The following GFPT1 variants were observed in gnomAD, a reference collection of about 807,000 sequenced individuals.
GFPT1 encodes glutamine--fructose-6-phosphate aminotransferase [isomerizing] 1.
Under a neutral mutation model 92.0 loss-of-function variants are expected in GFPT1, and 40 were observed. The observed-to-expected ratio is 0.43, with a 90% CI of 0.34 to 0.57. The LOEUF (loss-of-function observed/expected upper bound fraction) is 0.57, where lower values mean the gene tolerates loss of function less well. GFPT1 is among the 20% of genes least tolerant of loss of function. GFPT1 has a pLI of 0.02. For synonymous variants in GFPT1, 269 were observed against 280.6 expected, an observed-to-expected ratio of 0.96 and a Z score of 0.41; for missense variants, 448 against 869.1, an observed-to-expected ratio of 0.52 and a Z score of 6.09.
chr2:69,360,719 C>CA (rs1671452888), intron 4 of GFPT1, among the ~76,000 whole-genome samples: 1 of 152,066 alleles, frequency 6.6e-6, no homozygotes, highest in Admixed American at 6.6e-5. Flanking sequence ...ACATGAGCCA[C>CA]TATGCCAGGC....
At chr2:69,361,580 C>A (rs1303159300) in intron 4 of GFPT1, among the ~76,000 whole-genome samples, 1 of 152,028 alleles carries the variant, frequency 6.6e-6, no homozygotes, top group African/African-American at 2.4e-5. Flanking sequence ...TTCATAAAGG[C>A]CTTGTCAGTG....
intron 15 of GFPT1, among the ~76,000 whole-genome samples, chr2:69,336,398 A>G (rs1486876458): frequency 6.6e-6 from 1 of 151,810 alleles, no homozygotes; most frequent in African/African-American, 2.4e-5. Flanking sequence ...TAAGAATCAC[A>G]AACTTTCTAC....
intron 11 of GFPT1, among the ~76,000 whole-genome samples, chr2:69,347,758 C>T (rs1671118830): frequency 6.6e-6 from 1 of 152,148 alleles, no homozygotes; most frequent in Non-Finnish European, 1.5e-5. Context: ...GCTAAGATTA[C>T]AGGTGTGAGC....
intron 16 of GFPT1, 59 bp from the exon 17 acceptor site, chr2:69,329,483 T>C (rs978728752): frequency 3.0e-6 from 4 of 1,327,026 alleles, no homozygotes; most frequent in Middle Eastern, 1.8e-4. Flanking sequence ...TAACAATATA[T>C]TGGCAGCAAA....
At chr2:69,365,677 C>T (rs1671593431) in intron 3 of GFPT1, among the ~76,000 whole-genome samples, 2 of 152,184 alleles carry the variant, frequency 1.3e-5, no homozygotes, top group East Asian at 3.8e-4. Context: ...AATGAATAAA[C>T]TCAGGCATCT....
intron 3 of GFPT1, among the ~76,000 whole-genome samples, chr2:69,368,162 C>T (rs781581813): frequency 3.9e-5 from 6 of 152,196 alleles, no homozygotes; most frequent in Non-Finnish European, 8.8e-5. Context: ...GCGGGCAGAT[C>T]ACGAGGTCAG....
At chr2:69,352,389 C>T (rs1349910415) in intron 9 of GFPT1, among the ~76,000 whole-genome samples, 3 of 151,306 alleles carry the variant, frequency 2.0e-5, no homozygotes, top group Non-Finnish European at 4.4e-5. Flanking sequence ...CCGAGGTGGG[C>T]GGATCATGAG....
intron 1 of GFPT1, among the ~76,000 whole-genome samples, chr2:69,378,651 T>A (rs1009325807): frequency 1.3e-5 from 2 of 152,270 alleles, no homozygotes; most frequent in Non-Finnish European, 2.9e-5. Context: ...GAAAGCAATG[T>A]AGCTGCAAAT....
intron 15 of GFPT1, among the ~76,000 whole-genome samples, chr2:69,330,140 G>T (rs1670626205): frequency 1.3e-5 from 2 of 152,130 alleles, no homozygotes; most frequent in African/African-American, 4.8e-5. Context: ...GGGAGGCAGA[G>T]GTTGCAGTGA....
chr2:69,328,394 A>T lies in GFPT1; in HGVS notation c.1770T>A (p.Ala590=). 6.2e-7 allele frequency: 1 copy of T among 1,613,596 alleles called. No individual in the cohort carries two copies. The highest frequency in any genetic ancestry group is 8.5e-7 in the Non-Finnish European group (1 of 1,179,510). ...CCAGAGGGCCATGTTTCAATTCACC[A>T]GCAAGGATGCCTTCAGAGTGCATAT... is the stretch of plus-strand genomic sequence containing the variant. ...ITYMHSEGIL[A]GELKHGPLAL... Residue 590 remains alanine (A), a synonymous_variant, in exon 18 of 20, where the codon GCT becomes GCA. Coordinates refer to ENST00000357308, the MANE Select transcript of GFPT1 (RefSeq NM_001244710.2).
At position 69,357,685 on chromosome 2, in the gene GFPT1, T is replaced by C. The variant is rs554287141; in HGVS notation, c.543+644A>G. 5.5e-4 allele frequency among the ~76,000 whole-genome samples: 84 copies of C among 152,262 alleles called. No homozygotes were observed. In the South Asian group the frequency reaches 0.017, roughly 30 times the overall value. ...CTTTTAAGTGGGAAAGCTAGAGTTA[T>C]GAGTGGGGAAGGGAAATGTAGGTAT... On this transcript the variant is annotated intron_variant, in intron 6 of 19. Coordinates refer to ENST00000357308, the MANE Select transcript of GFPT1 (RefSeq NM_001244710.2).
intron 2 of GFPT1, among the ~76,000 whole-genome samples, chr2:69,372,816 G>A (rs1475304901): frequency 6.6e-6 from 1 of 152,202 alleles, no homozygotes; most frequent in Non-Finnish European, 1.5e-5. Context: ...GTACAAAAAA[G>A]AGTTAACACA....
At chr2:69,376,979 C>T (rs1238632706) in intron 1 of GFPT1, among the ~76,000 whole-genome samples, 2 of 151,866 alleles carry the variant, frequency 1.3e-5, no homozygotes, top group South Asian at 2.1e-4. Context: ...GAGGCCAAGG[C>T]GAGTGGATCA....
rs1671342109 is a variant in GFPT1, at chr2:69,356,501, G to A, written c.600C>T (p.Gly200=). 6.2e-7 allele frequency: 1 copy of A among 1,609,242 alleles called. No homozygotes were observed. Among genetic ancestry groups the A allele is most frequent in the African/African-American group, 1.3e-5 (1 of 74,950 alleles). ...KSVHFPGQAV[G]TRRGSPLLIG... is the part of the protein sequence containing the mutation. Reference sequence around the variant, plus strand: ...ATTGTTAGAGTTATATGTACCTTGTGCCAACTGCTTGCCCGGGAAAATGAA... The same window carrying A: ...ATTGTTAGAGTTATATGTACCTTGTACCAACTGCTTGCCCGGGAAAATGAA... Residue 200 remains glycine, a synonymous_variant, in exon 7 of 20, where the codon GGC becomes GGT. Transcript: ENST00000357308.
In GFPT1 at chr2:69,328,429, C is replaced by A; in HGVS notation, c.1735G>T (p.Glu579Ter). ...CCTTCAGAGTGCATATAAGTAATTTCTTTGATTTTCTAATAGGAAAGAACC... is the reference window on the plus strand; with the variant it reads ...CCTTCAGAGTGCATATAAGTAATTTATTTGATTTTCTAATAGGAAAGAACC... ...TCLEGALKIK[E>*]ITYMHSEGIL... Residue 579 changes from glutamate (E) to a stop codon, truncating the protein, a stop_gained, in exon 18 of 20, where the codon GAA becomes TAA. Coordinates refer to ENST00000357308, the MANE Select transcript of GFPT1 (RefSeq NM_001244710.2). LOFTEE classifies it high-confidence loss of function. 1.2e-6 allele frequency: 2 copies of A among 1,611,248 alleles called. No homozygotes were observed. The highest frequency in any genetic ancestry group is 1.1e-5 in the South Asian group (1 of 91,014).
chr2:69,353,387 G>A (rs562777358), intron 9 of GFPT1, among the ~76,000 whole-genome samples: 2 of 152,176 alleles, frequency 1.3e-5, no homozygotes, highest in East Asian at 3.9e-4. Flanking sequence ...TAAAAAAATT[G>A]GCTGGGGGTG....
At chr2:69,339,312 A>G (rs1574051953) in intron 13 of GFPT1, among the ~76,000 whole-genome samples, 1 of 152,340 alleles carries the variant, frequency 6.6e-6, no homozygotes, top group African/African-American at 2.4e-5. Context: ...ATTCATAAAT[A>G]TGACCATTTC....
rs924257593 is a variant in GFPT1 at position 69,375,674 on chromosome 2, A to G, written c.8-1561T>C. ...CACACCTTACATTTTTATTTTTTTA[A>G]GCTTTCCTGTAATGTACAGTCATCT... On this transcript the variant is annotated intron_variant, in intron 1 of 19. Coordinates refer to ENST00000357308, the MANE Select transcript of GFPT1 (RefSeq NM_001244710.2). 3.9e-5 allele frequency among the ~76,000 whole-genome samples: 6 copies of G among 152,324 alleles called. No individual in the cohort carries two copies. The South Asian group carries it at 1.2e-3, about 32-fold the overall frequency.
chr2:69,337,520 C>T (rs561974217), intron 15 of GFPT1, among the ~76,000 whole-genome samples: 91 of 152,140 alleles, frequency 6.0e-4, no homozygotes, highest in African/African-American at 2.0e-3. Context: ...TTTCAAATTC[C>T]AGACTATACT....
Sources: gnomAD v4.1 joint callset for allele counts (sites outside exome capture counted in the v4.1 genomes callset) on GRCh38, gnomAD v4.1.1 for gene constraint, MANE v1.5 for transcripts, NCBI Gene and HGNC (gene_info 2026-07-23, HGNC 2026-07-21) for gene names.